SMAD2: variants seen among roughly 807,000 people sequenced by gnomAD.
SMAD2 encodes MAD homolog 2.
A neutral mutation model predicts 64.4 loss-of-function variants in SMAD2; 8 were observed. The observed-to-expected ratio is 0.12, with a 90% CI of 0.07 to 0.22. The LOEUF (loss-of-function observed/expected upper bound fraction) is 0.22, where lower values mean the gene tolerates loss of function less well. SMAD2 is among the 10% of genes least tolerant of loss of function. The pLI is 1.00. For synonymous variants in SMAD2, 203 were observed against 195.8 expected, an observed-to-expected ratio of 1.04 and a Z score of -0.31; for missense variants, 289 against 561.2, an observed-to-expected ratio of 0.51 and a Z score of 4.90.
intron 1 of SMAD2, among the ~76,000 whole-genome samples, chr18:47,906,676 T>C (rs1358606427): frequency 1.3e-5 from 2 of 152,212 alleles, no homozygotes; most frequent in Admixed American, 1.3e-4. Flanking sequence ...ACAGTCACAG[T>C]GTTGGCAGGA....
At position 47,810,828 on chromosome 18, in the gene SMAD2, C is replaced by T. The variant is rs1912176293; in HGVS notation, c.*30999G>A. 1 of 152,220 alleles carries T rather than the reference C, an allele frequency of 6.6e-6. No individual in the cohort carries two copies. Among genetic ancestry groups the T allele is most frequent in the African/African-American group, 2.4e-5 (1 of 41,440 alleles). The allele number at this position is 152,220 out of a possible 1,614,324, so 9.4% of individuals were successfully genotyped here. ...AGTCCCATGCATCAGCAACAGCCGC[C>T]ACAGCTGAACTGTCACACTTTTGCA... On this transcript the variant is annotated 3_prime_UTR_variant, in exon 11 of 11. Transcript: ENST00000262160.
intron 2 of SMAD2, among the ~76,000 whole-genome samples, chr18:47,885,709 C>A (rs572257628): frequency 1.3e-5 from 2 of 152,218 alleles, no homozygotes; most frequent in South Asian, 4.2e-4. Context: ...CGCTTGTAAT[C>A]CCAGCACTTT....
In SMAD2 at chr18:47,824,087, A is replaced by G. The variant is rs1043831417; in HGVS notation, c.*17740T>C. The G allele has an allele frequency of 3.3e-5, 5 of 152,242 alleles. No homozygotes were observed. Among genetic ancestry groups the G allele is most frequent in the African/African-American group, 1.2e-4 (5 of 41,456 alleles). The allele number at this position is 152,242 out of a possible 1,614,324, so 9.4% of individuals were successfully genotyped here. ...CAATGCAGGATGCAGGACCAGACCAATAACCCGGGAAAGGTCTATTCTGTC... is the reference window on the plus strand; with the variant it reads ...CAATGCAGGATGCAGGACCAGACCAGTAACCCGGGAAAGGTCTATTCTGTC... On this transcript the variant is annotated 3_prime_UTR_variant, in exon 11 of 11. Transcript: ENST00000262160.
At chr18:47,864,825 A>G (rs1183526506) in intron 6 of SMAD2, among the ~76,000 whole-genome samples, 3 of 152,164 alleles carry the variant, frequency 2.0e-5, no homozygotes, top group African/African-American at 4.8e-5. Context: ...TCAAATTTTC[A>G]TTTACTCTAA....
intron 6 of SMAD2, among the ~76,000 whole-genome samples, chr18:47,851,861 G>A (rs987443604): frequency 1.6e-4 from 25 of 152,116 alleles, no homozygotes; most frequent in Admixed American, 1.6e-3. Context: ...AATCTTGACC[G>A]TTTTGCACGC....
chr18:47,834,436 G>A lies in SMAD2; in HGVS notation c.*7391C>T, dbSNP rs997072435. On this transcript the variant is annotated 3_prime_UTR_variant, in exon 11 of 11. Transcript: ENST00000262160. ...AAGTTTTGTATCCAGGGAAAGTCCC[G>A]CATCCAGGGAAACCCTCAATCCCAG... 4 of 205,434 alleles carry A rather than the reference G, an allele frequency of 1.9e-5. No homozygotes were observed. Among genetic ancestry groups the A allele is most frequent in the South Asian group, 1.9e-4 (1 of 5,274 alleles). The allele number at this position is 205,434 out of a possible 1,614,324, so 12.7% of individuals were successfully genotyped here. A position where few individuals can be genotyped will look rare whatever the true frequency, so the allele number is the denominator to read the frequency against.
chr18:47,916,986 T>G (rs1436258541), intron 1 of SMAD2, among the ~76,000 whole-genome samples: 1 of 152,200 alleles, frequency 6.6e-6, no homozygotes, highest in African/African-American at 2.4e-5. Context: ...CTATTTTTGT[T>G]GTTGTCGTTG....
At chr18:47,868,585 A>G (rs555056769) in intron 4 of SMAD2, 128 bp from the exon 5 acceptor site, 25 of 710,544 alleles carry the variant, frequency 3.5e-5, no homozygotes, top group Admixed American at 8.4e-5. Flanking sequence ...CCTACTCGAT[A>G]TATACTAGTT....
rs1913038980 is a variant in SMAD2 at position 47,832,541 on chromosome 18, AAC to A, written c.*9284_*9285del. On this transcript the variant is annotated 3_prime_UTR_variant, in exon 11 of 11. Coordinates refer to ENST00000262160, the MANE Select transcript of SMAD2 (RefSeq NM_005901.6). ...AGCATGTTTAAAATGGTTTGCAGAAAACAGTCTGCTAACCAGTACTGATTCAT... is the reference window on the plus strand; with the variant it reads ...AGCATGTTTAAAATGGTTTGCAGAAAAGTCTGCTAACCAGTACTGATTCAT... 1 of 152,302 alleles carries A rather than the reference AAC, an allele frequency of 6.6e-6. No individual in the cohort carries two copies. The highest frequency in any genetic ancestry group is 1.5e-5 in the Non-Finnish European group (1 of 68,020). 9.4% of individuals were successfully genotyped at this position (152,302 alleles called of 1,614,324 possible).
intron 2 of SMAD2, chr18:47,882,575 A>G (rs1487102869): frequency 6.6e-6 from 1 of 152,204 alleles, no homozygotes; most frequent in Non-Finnish European, 1.5e-5. Flanking sequence ...TTTCTCATGT[A>G]TGTTAGTGAT....
rs1241375603 is a variant in SMAD2 at position 47,895,699 on chromosome 18, T to C, written c.236+822A>G. 3 of 152,232 alleles carry C rather than the reference T, an allele frequency of 2.0e-5. No individual in the cohort carries two copies. The East Asian group carries it at 5.8e-4, about 29-fold the overall frequency. The allele number at this position is 152,232 out of a possible 1,614,324, so 9.4% of individuals were successfully genotyped here. A position where few individuals can be genotyped will look rare whatever the true frequency, so the allele number is the denominator to read the frequency against. On this transcript the variant is annotated intron_variant, in intron 2 of 10. Transcript: ENST00000262160. ...ACATTCTACTGTTAGTATTTGCAACTAGACAGGCTGCACTGGTGTTATTGG... is the reference window on the plus strand; with the variant it reads ...ACATTCTACTGTTAGTATTTGCAACCAGACAGGCTGCACTGGTGTTATTGG...
intron 1 of SMAD2, among the ~76,000 whole-genome samples, chr18:47,916,251 A>G (rs569090014): frequency 6.6e-6 from 1 of 152,314 alleles, no homozygotes; most frequent in Non-Finnish European, 1.5e-5. Context: ...TCAAGATTAT[A>G]GTAGCCTTGC....
In SMAD2 at chr18:47,870,528, A is replaced by G; in HGVS notation, c.273T>C (p.Asn91=). The part of the protein sequence containing the change: ...CSEIWGLSTP[N]TIDQWDTTGL... Reference sequence around the variant, plus strand: ...CTGTTGTATCCCACTGATCTATCGTATTTGGTGTACTCAGTCCCCAAATTT... The same window carrying G: ...CTGTTGTATCCCACTGATCTATCGTGTTTGGTGTACTCAGTCCCCAAATTT... The change falls in exon 3 of 11, where the codon AAT becomes AAC. Residue 91 remains asparagine (N), a synonymous_variant. Coordinates refer to ENST00000262160, the MANE Select transcript of SMAD2 (RefSeq NM_005901.6). The G allele has an allele frequency of 6.2e-7, 1 of 1,613,726 alleles. No individual in the cohort carries two copies. Among genetic ancestry groups the G allele is most frequent in the Admixed American group, 1.7e-5 (1 of 60,006 alleles).
chr18:47,829,101 A>T lies in SMAD2; in HGVS notation c.*12726T>A, dbSNP rs979861747. On this transcript the variant is annotated 3_prime_UTR_variant, in exon 11 of 11. Coordinates refer to ENST00000262160, the MANE Select transcript of SMAD2 (RefSeq NM_005901.6). Reference sequence around the variant, plus strand: ...GCTTCCCTGTGAATGAGAACAGAAAAAGTTCAGGAGCCACCAGAGGATGTT... The same window carrying T: ...GCTTCCCTGTGAATGAGAACAGAAATAGTTCAGGAGCCACCAGAGGATGTT... The T allele has an allele frequency of 6.6e-6, 1 of 152,108 alleles. No homozygotes were observed. The highest frequency in any genetic ancestry group is 2.4e-5 in the African/African-American group (1 of 41,406). The allele number at this position is 152,108 out of a possible 1,614,324, so 9.4% of individuals were successfully genotyped here.
chr18:47,915,037 G>T (rs892982276), intron 1 of SMAD2, among the ~76,000 whole-genome samples: 2 of 151,974 alleles, frequency 1.3e-5, no homozygotes, highest in Non-Finnish European at 2.9e-5. Context: ...AGGTATCTTG[G>T]TTTTTATTGT....
chr18:47,925,721 A>T (rs1226936696), intron 1 of SMAD2, among the ~76,000 whole-genome samples: 1 of 149,230 alleles, frequency 6.7e-6, no homozygotes. Flanking sequence ...TACTACTGCT[A>T]AAAAAAAACC....
At position 47,842,369 on chromosome 18, in the gene SMAD2, G is replaced by C. The variant is rs529890517; in HGVS notation, c.1281-419C>G. 2.0e-5 allele frequency among the ~76,000 whole-genome samples: 3 copies of C among 152,078 alleles called. No homozygotes were observed. In the South Asian group the frequency reaches 6.2e-4, roughly 32 times the overall value. On this transcript the variant is annotated intron_variant, in intron 10 of 10. Transcript: ENST00000262160. ...ATCCTGGCCAACATGGTGAAACCCCGTCTCTACTAAAAATATAAAAATTAG... is the reference window on the plus strand; with the variant it reads ...ATCCTGGCCAACATGGTGAAACCCCCTCTCTACTAAAAATATAAAAATTAG...
At position 47,817,695 on chromosome 18, in the gene SMAD2, C is replaced by T. The variant is rs1912417688; in HGVS notation, c.*24132G>A. The stretch of plus-strand genomic sequence containing the variant: ...TTTTTAATCTGCATGACTGGGTTAA[C>T]ACTTTTGGGAACACTGATTTTGGTT... On this transcript the variant is annotated 3_prime_UTR_variant, in exon 11 of 11. Transcript: ENST00000262160. 6.6e-6 allele frequency: 1 copy of T among 152,166 alleles called. No individual in the cohort carries two copies. The highest frequency in any genetic ancestry group is 1.5e-5 in the Non-Finnish European group (1 of 68,056). The allele number at this position is 152,166 out of a possible 1,614,324, so 9.4% of individuals were successfully genotyped here.
At chr18:47,889,170 G>A (rs115728644) in intron 2 of SMAD2, among the ~76,000 whole-genome samples, 22 of 152,246 alleles carry the variant, frequency 1.4e-4, no homozygotes, top group Non-Finnish European at 3.1e-4. Flanking sequence ...TTTAGCCCAA[G>A]TACAACAGAA....
Sources: gnomAD v4.1 joint callset for allele counts (sites outside exome capture counted in the v4.1 genomes callset) on GRCh38, gnomAD v4.1.1 for gene constraint, MANE v1.5 for transcripts, NCBI Gene and HGNC (gene_info 2026-07-23, HGNC 2026-07-21) for gene names.